The following PPFIA2 variants were observed in gnomAD, a reference collection of about 807,000 sequenced individuals.
PPFIA2 encodes liprin-alpha-2.
A neutral mutation model predicts 175.5 loss-of-function variants in PPFIA2; 46 were observed. That is an observed-to-expected ratio of 0.26 (90% CI 0.21 to 0.34). The LOEUF is 0.34. Ranked by LOEUF, PPFIA2 falls within the 10% of genes least tolerant of loss-of-function variation. The probability of loss-of-function intolerance (pLI) is 1.00; values close to 1 mark genes in which losing one functional copy is unlikely to be tolerated. For missense variants in PPFIA2, 1,179 were observed against 1,506.1 expected (o/e 0.78, Z 3.60); for synonymous variants, 568 against 511.4 (o/e 1.11, Z -1.49).
chr12:81,357,938 T>C (rs530307761), intron 16 of PPFIA2, 144 bp downstream of exon 16: 20 of 828,038 alleles, frequency 2.4e-5, no homozygotes, highest in African/African-American at 7.1e-5. Flanking sequence ...ATGTTACTTA[T>C]AGTTTTTTTA....
intron 4 of PPFIA2, among the ~76,000 whole-genome samples, chr12:81,605,445 GA>G (rs1377286076): frequency 6.6e-6 from 1 of 151,484 alleles, no homozygotes; most frequent in Non-Finnish European, 1.5e-5. Context: ...GCGAGGGGAG[GA>G]AACAGATATT....
rs541834118 is a variant in PPFIA2 at position 81,490,049 on chromosome 12, G to A, written c.304-32183C>T. 1.1e-4 allele frequency among the ~76,000 whole-genome samples: 16 copies of A among 151,798 alleles called. No individual in the cohort carries two copies. In the South Asian group the frequency reaches 1.5e-3, roughly 14 times the overall value. On this transcript the variant is annotated intron_variant, in intron 4 of 32. Coordinates refer to ENST00000549396, the MANE Select transcript of PPFIA2 (RefSeq NM_003625.5). ...CATTGTAACATTTTCCCCATTATAA[G>A]ACCTAGCATTCCTCCTCTTATTAAG... is the stretch of plus-strand genomic sequence containing the variant.
intron 11 of PPFIA2, among the ~76,000 whole-genome samples, chr12:81,370,411 A>G (rs1313042429): frequency 6.6e-6 from 1 of 151,846 alleles, no homozygotes; most frequent in East Asian, 1.9e-4. Context: ...CCACTCTCAG[A>G]TATTGGTCTA....
intron 4 of PPFIA2, among the ~76,000 whole-genome samples, chr12:81,510,855 G>T (rs1203744486): frequency 1.3e-5 from 2 of 152,100 alleles, no homozygotes; most frequent in Non-Finnish European, 2.9e-5. Flanking sequence ...GGCCATGTCT[G>T]AAATCATGTT....
At chr12:81,643,058 G>A (rs1004542617) in intron 4 of PPFIA2, among the ~76,000 whole-genome samples, 17 of 145,340 alleles carry the variant, frequency 1.2e-4, no homozygotes, top group East Asian at 1.0e-3. Flanking sequence ...ATATATACAC[G>A]TATATATTTT....
chr12:81,429,035 A>T (rs953650462), intron 7 of PPFIA2, among the ~76,000 whole-genome samples: 1 of 152,070 alleles, frequency 6.6e-6, no homozygotes, highest in Non-Finnish European at 1.5e-5. Flanking sequence ...CTTTTATCTG[A>T]CTTTCTGTTC....
At chr12:81,666,335 A>C (rs2070270773) in intron 4 of PPFIA2, among the ~76,000 whole-genome samples, 1 of 152,220 alleles carries the variant, frequency 6.6e-6, no homozygotes, top group South Asian at 2.1e-4. Context: ...AGCACTATTC[A>C]CAATAGCAAA....
chr12:81,315,821 T>A (rs984445010), intron 22 of PPFIA2, among the ~76,000 whole-genome samples: 1 of 151,724 alleles, frequency 6.6e-6, no homozygotes, highest in African/African-American at 2.4e-5. Flanking sequence ...TTTAAGCATG[T>A]TTCTAGTGAT....
intron 3 of PPFIA2, among the ~76,000 whole-genome samples, chr12:81,703,015 C>G (rs1006912384): frequency 6.6e-6 from 1 of 152,072 alleles, no homozygotes; most frequent in Non-Finnish European, 1.5e-5. Flanking sequence ...TTGTTTAAGC[C>G]ACCTGGTCTG....
At chr12:81,352,459 T>A (rs2060185985) in intron 17 of PPFIA2, among the ~76,000 whole-genome samples, 1 of 151,394 alleles carries the variant, frequency 6.6e-6, no homozygotes, top group South Asian at 2.1e-4. Context: ...CCCACTGTCT[T>A]TCTGCCTCCC....
intron 4 of PPFIA2, among the ~76,000 whole-genome samples, chr12:81,510,922 T>G (rs1184376733): frequency 6.6e-6 from 1 of 152,094 alleles, no homozygotes; most frequent in African/African-American, 2.4e-5. Context: ...TGCAACTAAT[T>G]AGAAAACATT....
At chr12:81,432,875 CATATT>C (rs2048343671) in intron 7 of PPFIA2, among the ~76,000 whole-genome samples, 1 of 152,062 alleles carries the variant, frequency 6.6e-6, no homozygotes, top group Non-Finnish European at 1.5e-5. Flanking sequence ...ATTAGAATCA[CATATT>C]ATATTATTAT....
At chr12:81,305,388 T>C (rs1214747128) in intron 22 of PPFIA2, among the ~76,000 whole-genome samples, 1 of 152,156 alleles carries the variant, frequency 6.6e-6, no homozygotes, top group African/African-American at 2.4e-5. Context: ...TCAGTAAACA[T>C]ATTTATTAGC....
chr12:81,326,151 C>T (rs1921043), intron 21 of PPFIA2, among the ~76,000 whole-genome samples: 24,545 of 152,088 alleles, frequency 0.16, 2,762 homozygotes, highest in East Asian at 0.42. Context: ...CTTAAATATA[C>T]TGTCCCCAAG....
chr12:81,573,982 C>T (rs1267286316), intron 4 of PPFIA2, among the ~76,000 whole-genome samples: 1 of 151,862 alleles, frequency 6.6e-6, no homozygotes, highest in African/African-American at 2.4e-5. Context: ...GACTTTCACC[C>T]TGTTATTAGA....
intron 4 of PPFIA2, among the ~76,000 whole-genome samples, chr12:81,592,072 G>T (rs539487510): frequency 1.1e-4 from 17 of 152,138 alleles, no homozygotes; most frequent in Non-Finnish European, 2.2e-4. Context: ...AGCATGAATG[G>T]ATGTGAGACA....
At chr12:81,694,877 C>T (rs374562151) in intron 3 of PPFIA2, among the ~76,000 whole-genome samples, 4 of 152,264 alleles carry the variant, frequency 2.6e-5, no homozygotes, top group Admixed American at 2.0e-4. Flanking sequence ...ACCCCTTGCA[C>T]CAGTTTGCCC....
chr12:81,416,446 T>G (rs1011201705), intron 7 of PPFIA2, among the ~76,000 whole-genome samples: 1 of 151,568 alleles, frequency 6.6e-6, no homozygotes, highest in Non-Finnish European at 1.5e-5. Flanking sequence ...TTGGCAGTAA[T>G]TGCGTTAAAA....
chr12:81,678,293 G>A (rs555775298), intron 3 of PPFIA2, among the ~76,000 whole-genome samples: 1 of 151,764 alleles, frequency 6.6e-6, no homozygotes, highest in South Asian at 2.1e-4. Flanking sequence ...ATAATTAAGA[G>A]GACTTATGCT....
Sources: gnomAD v4.1 joint callset for allele counts (sites outside exome capture counted in the v4.1 genomes callset) on GRCh38, gnomAD v4.1.1 for gene constraint, MANE v1.5 for transcripts, NCBI Gene and HGNC (gene_info 2026-07-23, HGNC 2026-07-21) for gene names.